PNISR: variants seen among roughly 807,000 people sequenced by gnomAD.
PNISR encodes arginine/serine-rich protein PNISR.
Under a neutral mutation model 93.4 loss-of-function variants are expected in PNISR, and 20 were observed. That is an observed-to-expected ratio of 0.21 (90% CI 0.15 to 0.31). The LOEUF is 0.31. Among genes scored for constraint, PNISR ranks in the 10% least tolerant of loss-of-function variants. The probability of loss-of-function intolerance (pLI) is 1.00; values close to 1 mark genes in which losing one functional copy is unlikely to be tolerated. For missense variants in PNISR, 893 were observed against 985.4 expected (o/e 0.91, Z 1.25); for synonymous variants, 305 against 306.5 (o/e 0.99, Z 0.05).
chr6:99,414,066 C>T (rs1411818543), intron 3 of PNISR, among the ~76,000 whole-genome samples: 1 of 152,106 alleles, frequency 6.6e-6, no homozygotes, highest in East Asian at 1.9e-4. Flanking sequence ...CCAGTGAGGG[C>T]AGAGCAACGT....
chr6:99,401,195 C>T lies in PNISR; in HGVS notation c.1763G>A (p.Arg588Lys). 6.2e-7 allele frequency: 1 copy of T among 1,614,046 alleles called. No individual in the cohort carries two copies. Among genetic ancestry groups the T allele is most frequent in the East Asian group, 2.2e-5 (1 of 44,886 alleles). ...TCTCCTTCTATCTCTAATCTTTACCCTAGCCCTATTGCTCTCTATTTTAAT... is the reference window on the plus strand; with the variant it reads ...TCTCCTTCTATCTCTAATCTTTACCTTAGCCCTATTGCTCTCTATTTTAAT... ...RRIKIESNRA[R>K]VKIRDRRRSN... The change falls in exon 12 of 12, where the codon AGG becomes AAG. Residue 588 changes from arginine to lysine, a missense_variant. Physicochemically the swap from Arg to Lys is conservative, Grantham distance 26 (BLOSUM62 2). Coordinates refer to ENST00000369239, the MANE Select transcript of PNISR (RefSeq NM_032870.4).
intron 11 of PNISR, 26 bp from the exon 12 acceptor site, chr6:99,401,656 T>C (rs761925971): frequency 6.7e-7 from 1 of 1,482,738 alleles, no homozygotes; most frequent in South Asian, 1.4e-5. Flanking sequence ...ACAAAAACAC[T>C]AAGAAAATGT....
At position 99,410,980 on chromosome 6, in the gene PNISR, G is replaced by A. The variant is rs375589270; in HGVS notation, c.278-16C>T. On this transcript the variant is annotated splice_polypyrimidine_tract_variant and intron_variant, in intron 4 of 11. Transcript: ENST00000369239. The stretch of plus-strand genomic sequence containing the variant: ...ATTCCCCATTCTATTTAAGATTTAG[G>A]CATAAAAACATTCAACAGGCGGTTA... 11 of 1,575,434 alleles carry A rather than the reference G, an allele frequency of 7.0e-6. No homozygotes were observed. Among genetic ancestry groups the A allele is most frequent in the Non-Finnish European group, 9.6e-6 (11 of 1,146,506 alleles).
intron 1 of PNISR, 153 bp downstream of exon 1, chr6:99,425,062 G>A (rs1779314498): frequency 1.2e-5 from 5 of 421,270 alleles, no homozygotes; most frequent in East Asian, 1.1e-4. Flanking sequence ...TACCAAGTCT[G>A]GCGGACCGCA....
intron 6 of PNISR, 57 bp from the exon 7 acceptor site, chr6:99,408,328 T>C (rs1776415807): frequency 1.6e-6 from 2 of 1,241,954 alleles, no homozygotes; most frequent in Admixed American, 4.4e-5. Context: ...TTCTACAAAC[T>C]TGTGAGTAAA....
rs1775232852 is a variant in PNISR at position 99,399,653 on chromosome 6, C to A, written c.*887G>T. ...AGCAATTTCATTTTACAGGAGTGAA[C>A]CACACGTTATACACACAGAGAATAT... On this transcript the variant is annotated 3_prime_UTR_variant, in exon 12 of 12. Transcript: ENST00000369239. 1 of 152,156 alleles carries A rather than the reference C, an allele frequency of 6.6e-6. No individual in the cohort carries two copies. The highest frequency in any genetic ancestry group is 1.9e-4 in the East Asian group (1 of 5,170). 9.4% of individuals were successfully genotyped at this position (152,156 alleles called of 1,614,324 possible).
intron 4 of PNISR, 52 bp from the exon 5 acceptor site, chr6:99,411,016 A>G (rs1429591474): frequency 2.2e-6 from 3 of 1,342,524 alleles, no homozygotes; most frequent in East Asian, 4.6e-5. Flanking sequence ...TAACAAAATC[A>G]ACACAGAATT....
intron 1 of PNISR, among the ~76,000 whole-genome samples, chr6:99,417,744 T>G (rs1292517362): frequency 6.6e-6 from 1 of 152,038 alleles, no homozygotes; most frequent in Admixed American, 6.5e-5. Flanking sequence ...GGCAGGTGGA[T>G]TACCTGAGGT....
At chr6:99,401,764 T>C (rs1775531840) in intron 11 of PNISR, 134 bp from the exon 12 acceptor site, 1 of 609,020 alleles carries the variant, frequency 1.6e-6, no homozygotes, top group Non-Finnish European at 2.4e-6. Context: ...TGTAAGTAAT[T>C]CAAAATTTTT....
chr6:99,412,500 T>C lies in PNISR; in HGVS notation c.277+51A>G, dbSNP rs1168642479. 2.3e-6 allele frequency: 3 copies of C among 1,281,518 alleles called. No individual in the cohort carries two copies. In the East Asian group the frequency reaches 7.0e-5, roughly 30 times the overall value. The allele number at this position is 1,281,518 out of a possible 1,614,324, so 79.4% of individuals were successfully genotyped here. On this transcript the variant is annotated intron_variant, in intron 4 of 11. Transcript: ENST00000369239. ...CAAATTAAAAAATTTAATAATAATC[T>C]TCATTCTGTTTTTTAAAAGTCTTAA...
chr6:99,422,186 T>C (rs1038932241), intron 1 of PNISR, among the ~76,000 whole-genome samples: 4 of 152,164 alleles, frequency 2.6e-5, no homozygotes, highest in African/African-American at 4.8e-5. Flanking sequence ...TCATTAATAT[T>C]TACAAAAGTC....
chr6:99,401,564 C>T lies in PNISR; in HGVS notation c.1394G>A (p.Ser465Asn). The T allele has an allele frequency of 6.3e-7, 1 of 1,592,438 alleles. No homozygotes were observed. The highest frequency in any genetic ancestry group is 8.5e-7 in the Non-Finnish European group (1 of 1,174,304). Reference protein sequence around the residue: ...MNEFIHKEQNSLSLLEAREAD... With the variant: ...MNEFIHKEQNNLSLLEAREAD... The stretch of plus-strand genomic sequence containing the variant: ...TTCTCTTGCTTCTAGTAGTGATAAA[C>T]TATTTTGCTCTTTATGGATAAATTC... Residue 465 changes from serine to asparagine, a missense_variant, in exon 12 of 12, where the codon AGT becomes AAT. Coordinates refer to ENST00000369239, the MANE Select transcript of PNISR (RefSeq NM_032870.4).
Position 99,401,435 on chromosome 6 carries a change from CTCCT to C in PNISR, c.1519_1522del (p.Arg507ValfsTer75). On this transcript the variant is annotated frameshift_variant, in exon 12 of 12. Coordinates refer to ENST00000369239, the MANE Select transcript of PNISR (RefSeq NM_032870.4). LOFTEE classifies it high-confidence loss of function. ...ACCACTACTAGAACTTCCCGACCTACTCCTTCCTTGTTTTTCTTTTTCTTTATGC... is the reference window on the plus strand; with the variant it reads ...ACCACTACTAGAACTTCCCGACCTACTCCTTGTTTTTCTTTTTCTTTATGC... 1 of 1,607,718 alleles carries C rather than the reference CTCCT, an allele frequency of 6.2e-7. No homozygotes were observed. Among genetic ancestry groups the C allele is most frequent in the Non-Finnish European group, 8.5e-7 (1 of 1,176,224 alleles).
Position 99,425,199 on chromosome 6 carries a change from G to A in PNISR, c.-112+16C>T, listed in dbSNP as rs1779345722. Reference sequence around the variant, plus strand: ...GTCCGGCAAGTGCCCACGTATAATTGTTCTCCATCACTTACCCACTCTAGT... The same window carrying A: ...GTCCGGCAAGTGCCCACGTATAATTATTCTCCATCACTTACCCACTCTAGT... On this transcript the variant is annotated intron_variant, in intron 1 of 11. Transcript: ENST00000369239. 4 of 1,229,974 alleles carry A rather than the reference G, an allele frequency of 3.3e-6. No homozygotes were observed. The highest frequency in any genetic ancestry group is 4.2e-5 in the Admixed American group (1 of 23,698). The allele number at this position is 1,229,974 out of a possible 1,614,324, so 76.2% of individuals were successfully genotyped here.
intron 1 of PNISR, among the ~76,000 whole-genome samples, chr6:99,422,417 C>A (rs1399282719): frequency 6.6e-5 from 10 of 151,962 alleles, no homozygotes. Flanking sequence ...ACCTCAAAGT[C>A]AAAAAAGAAT....
chr6:99,401,231 T>C lies in PNISR; in HGVS notation c.1727A>G (p.Tyr576Cys), dbSNP rs1288666472. 4 of 1,613,924 alleles carry C rather than the reference T, an allele frequency of 2.5e-6. No individual in the cohort carries two copies. The highest frequency in any genetic ancestry group is 2.2e-5 in the East Asian group (1 of 44,898). Reference sequence around the variant, plus strand: ...GCTCTCTATTTTAATTCTGCGAGAATAGCTTCTACTCCTGCTACGTCTAGC... The same window carrying C: ...GCTCTCTATTTTAATTCTGCGAGAACAGCTTCTACTCCTGCTACGTCTAGC... ...IKARRSRSRS[Y>C]SRRIKIESNR... The change falls in exon 12 of 12, where the codon TAT (tyrosine) becomes TGT (cysteine). Residue 576 changes from tyrosine (Y) to cysteine (C), a missense_variant. Coordinates refer to ENST00000369239, the MANE Select transcript of PNISR (RefSeq NM_032870.4).
intron 1 of PNISR, among the ~76,000 whole-genome samples, chr6:99,418,539 T>A (rs12207531): frequency 0.13 from 19,844 of 152,194 alleles, 1,856 homozygotes; most frequent in Non-Finnish European, 0.18. Flanking sequence ...CATTTTTCTG[T>A]ATGTTTAGAA....
rs757432198 is a variant in PNISR, at chr6:99,412,543, C to A, written c.277+8G>T. The A allele has an allele frequency of 1.9e-6, 3 of 1,566,516 alleles. No individual in the cohort carries two copies. The African/African-American group carries it at 4.1e-5, about 21-fold the overall frequency. On this transcript the variant is annotated splice_region_variant and intron_variant, in intron 4 of 11. Coordinates refer to ENST00000369239, the MANE Select transcript of PNISR (RefSeq NM_032870.4). The stretch of plus-strand genomic sequence containing the variant: ...AGTCTTAAAATTGTGAAAACATAAA[C>A]AACAAACCTGGTTGCCACATTCTGT...
chr6:99,424,790 A>G (rs1779225330), intron 1 of PNISR: 1 of 158,524 alleles, frequency 6.3e-6, no homozygotes, highest in Admixed American at 6.5e-5. Flanking sequence ...AACACACGAA[A>G]AACACAAACT....
Sources: gnomAD v4.1 joint callset for allele counts (sites outside exome capture counted in the v4.1 genomes callset) on GRCh38, gnomAD v4.1.1 for gene constraint, MANE v1.5 for transcripts, NCBI Gene and HGNC (gene_info 2026-07-23, HGNC 2026-07-21) for gene names.